Variants in CALN1 observed in about 807,000 individuals in gnomAD.
CALN1 encodes calcium-binding protein 8.
Under a neutral mutation model 30.6 loss-of-function variants are expected in CALN1, and 17 were observed. The ratio of observed to expected loss-of-function variants is 0.56; its 90% CI spans 0.38 to 0.83. The LOEUF (loss-of-function observed/expected upper bound fraction) is 0.83, where lower values mean the gene tolerates loss of function less well. Ranked by LOEUF, CALN1 falls within the 40% of genes least tolerant of loss-of-function variation. CALN1 has a pLI of 0.00. For missense variants in CALN1, 291 were observed against 354.9 expected, an observed-to-expected ratio of 0.82 and a Z score of 1.45; for synonymous variants, 156 against 131.4, an observed-to-expected ratio of 1.19 and a Z score of -1.28.
intron 3 of CALN1, among the ~76,000 whole-genome samples, chr7:72,221,847 C>T (rs976781345): frequency 1.3e-5 from 2 of 151,950 alleles, no homozygotes; most frequent in Non-Finnish European, 2.9e-5. Context: ...TGAGATCGTG[C>T]CACTGCACTC....
In CALN1 at chr7:72,278,726, G is replaced by A; in HGVS notation, c.204C>T (p.Asp68=). 16 of 1,613,994 alleles carry A rather than the reference G, an allele frequency of 9.9e-6. No homozygotes were observed. Among genetic ancestry groups the A allele is most frequent in the Non-Finnish European group, 1.4e-5 (16 of 1,179,910 alleles). ...CGGAGATATTAGCCAGCTGTTCGCT[G>A]TCACTGCCAGCAGAGAGCGATCGGT... ...YLNRSLSAGS[D]SEQLANISVE... Residue 68 remains aspartate (D), a synonymous_variant, in exon 3 of 7, where the codon GAC becomes GAT. Transcript: ENST00000395275.
At chr7:71,809,714 C>G (rs531238198) in intron 6 of CALN1, among the ~76,000 whole-genome samples, 1 of 151,874 alleles carries the variant, frequency 6.6e-6, no homozygotes, top group Non-Finnish European at 1.5e-5. Flanking sequence ...TTTAAATTTG[C>G]TTTCATGAAT....
intron 6 of CALN1, among the ~76,000 whole-genome samples, chr7:71,808,985 G>A (rs897248425): frequency 6.6e-6 from 1 of 152,106 alleles, no homozygotes; most frequent in Non-Finnish European, 1.5e-5. Context: ...TATAAGATCA[G>A]TGTGACTCCC....
At chr7:72,308,342 CCACA>C (rs1799791155) in intron 2 of CALN1, among the ~76,000 whole-genome samples, 2 of 128,974 alleles carry the variant, frequency 1.6e-5, no homozygotes, top group Non-Finnish European at 3.1e-5. Flanking sequence ...CCAGCCTGGG[CCACA>C]GAGTGAGATG....
chr7:72,095,819 G>T (rs540773565), intron 4 of CALN1, among the ~76,000 whole-genome samples: 1 of 150,620 alleles, frequency 6.6e-6, no homozygotes, highest in East Asian at 2.0e-4. Flanking sequence ...ACTGCTTGAG[G>T]CCAGGAGTTC....
At chr7:72,099,023 G>C (rs1384766335) in intron 4 of CALN1, among the ~76,000 whole-genome samples, 2 of 152,204 alleles carry the variant, frequency 1.3e-5, no homozygotes, top group African/African-American at 4.8e-5. Context: ...GTGTCAACTT[G>C]AGTTGCACAG....
upstream of CALN1, among the ~76,000 whole-genome samples, chr7:72,413,841 A>G (rs1807333980): frequency 6.8e-6 from 1 of 147,456 alleles, no homozygotes; most frequent in Non-Finnish European, 1.5e-5. Flanking sequence ...ATACACAAAC[A>G]TGCACACACA....
intron 2 of CALN1, among the ~76,000 whole-genome samples, chr7:72,387,973 G>T (rs1251459761): frequency 6.6e-6 from 1 of 152,178 alleles, no homozygotes; most frequent in East Asian, 1.9e-4. Context: ...ACAGTAAAGT[G>T]ACTGTAATTA....
chr7:71,911,102 A>C (rs1024117025), intron 5 of CALN1, among the ~76,000 whole-genome samples: 1 of 152,112 alleles, frequency 6.6e-6, no homozygotes, highest in Non-Finnish European at 1.5e-5. Flanking sequence ...GGACTAGTTA[A>C]TCTTCAAAGT....
chr7:72,345,837 G>A (rs1387282723), intron 2 of CALN1, among the ~76,000 whole-genome samples: 2 of 152,148 alleles, frequency 1.3e-5, no homozygotes, highest in Non-Finnish European at 2.9e-5. Flanking sequence ...CCTGCCGCAT[G>A]AAAAGTTAAA....
chr7:72,414,260 A>G (rs1807353426), upstream of CALN1, among the ~76,000 whole-genome samples: 2 of 152,134 alleles, frequency 1.3e-5, no homozygotes, highest in African/African-American at 2.4e-5. Flanking sequence ...CTGTGCACCT[A>G]CTACAGAGCA....
At chr7:72,248,500 T>C (rs1365939516) in intron 3 of CALN1, among the ~76,000 whole-genome samples, 4 of 152,078 alleles carry the variant, frequency 2.6e-5, no homozygotes, top group Non-Finnish European at 5.9e-5. Flanking sequence ...AGCCAATCTC[T>C]CTCTCTCTTT....
chr7:72,070,186 A>G (rs1804292711), intron 4 of CALN1, among the ~76,000 whole-genome samples: 1 of 152,196 alleles, frequency 6.6e-6, no homozygotes, highest in African/African-American at 2.4e-5. Context: ...ATAACAACAC[A>G]TATGAAAAGG....
At chr7:72,211,517 AG>A (rs1280653022) in intron 3 of CALN1, among the ~76,000 whole-genome samples, 2 of 149,570 alleles carry the variant, frequency 1.3e-5, no homozygotes, top group Non-Finnish European at 3.0e-5. Flanking sequence ...CTCCTATCAT[AG>A]TTCAGGGTAC....
intron 2 of CALN1, among the ~76,000 whole-genome samples, chr7:72,295,309 A>C (rs1451394726): frequency 2.0e-5 from 3 of 152,212 alleles, no homozygotes; most frequent in Non-Finnish European, 4.4e-5. Context: ...TTTAAAAATA[A>C]CAAAAACAAT....
At chr7:72,011,180 G>A (rs1475990672) in intron 5 of CALN1, among the ~76,000 whole-genome samples, 1 of 150,962 alleles carries the variant, frequency 6.6e-6, no homozygotes, top group African/African-American at 2.4e-5. Context: ...AAAAAAGAAA[G>A]AAGGAAAATT....
intron 2 of CALN1, among the ~76,000 whole-genome samples, chr7:72,402,518 A>G (rs1011154649): frequency 6.6e-6 from 1 of 152,302 alleles, no homozygotes; most frequent in African/African-American, 2.4e-5. Flanking sequence ...CTCACCACAG[A>G]CCAATTCCTT....
At chr7:72,093,541 G>A (rs75914190) in intron 4 of CALN1, among the ~76,000 whole-genome samples, 91 of 152,276 alleles carry the variant, frequency 6.0e-4, no homozygotes, top group African/African-American at 2.1e-3. Context: ...ACTGTCATCT[G>A]TGGTTTCTTG....
Position 72,271,575 on chromosome 7 carries a change from A to AAATATATATATATAT in CALN1, c.244+7110_244+7111insATATATATATATATT. Among the ~76,000 whole-genome samples the AAATATATATATATAT allele has an allele frequency of 1.4e-3, 73 of 52,110 alleles. 4 individuals carry two copies. The highest frequency in any genetic ancestry group is 9.6e-3 in the Admixed American group (49 of 5,084). The allele number at this position is 52,110 out of a possible 152,430, so 34.2% of individuals were successfully genotyped here. On this transcript the variant is annotated intron_variant, in intron 3 of 6. Transcript: ENST00000395275. ...CTGTGCCTGCCTTTTAAAAAAAAAA[A>AAATATATATATATAT]ATATATATATATATATATAGTTTTC...
Sources: allele counts gnomAD v4.1 joint callset (sites outside exome capture counted in the v4.1 genomes callset), GRCh38; gene constraint gnomAD v4.1.1; transcripts MANE v1.5; gene names NCBI Gene and HGNC (gene_info 2026-07-23, HGNC 2026-07-21).